LMX1A: variants seen among roughly 807,000 people sequenced by gnomAD.
LMX1A encodes LIM homeobox transcription factor 1-alpha.
In LMX1A, 15 loss-of-function variants were observed where a neutral mutation model predicts 49.1. The observed-to-expected ratio is 0.31, with a 90% CI of 0.20 to 0.47. The LOEUF (loss-of-function observed/expected upper bound fraction) is 0.47, where lower values mean the gene tolerates loss of function less well. Ranked by LOEUF, LMX1A falls within the 20% of genes least tolerant of loss-of-function variation. The pLI, the probability that LMX1A is intolerant of heterozygous loss-of-function variation, is 1.00. For synonymous variants in LMX1A, 167 were observed against 185.7 expected, an observed-to-expected ratio of 0.90 and a Z score of 0.82; for missense variants, 372 against 475.8, an observed-to-expected ratio of 0.78 and a Z score of 2.03.
intron 3 of LMX1A, among the ~76,000 whole-genome samples, chr1:165,282,750 T>C (rs1654191613): frequency 6.6e-6 from 1 of 152,174 alleles, no homozygotes; most frequent in African/African-American, 2.4e-5. Context: ...CACTTCTAAG[T>C]CTTCAACCAG....
intron 3 of LMX1A, among the ~76,000 whole-genome samples, chr1:165,311,254 C>A (rs1270014214): frequency 6.6e-6 from 1 of 152,178 alleles, no homozygotes; most frequent in Non-Finnish European, 1.5e-5. Flanking sequence ...GTGATAAATA[C>A]TTTATTGGAG....
At chr1:165,216,483 C>T (rs760343405) in intron 4 of LMX1A, among the ~76,000 whole-genome samples, 5 of 152,156 alleles carry the variant, frequency 3.3e-5, no homozygotes, top group African/African-American at 4.8e-5. Context: ...GCTAATGCTC[C>T]ACCCCAGGGA....
chr1:165,344,688 C>T (rs967569917), intron 3 of LMX1A, among the ~76,000 whole-genome samples: 3 of 152,222 alleles, frequency 2.0e-5, no homozygotes, highest in African/African-American at 7.2e-5. Context: ...GGCTCCTAAA[C>T]CACCCTGATT....
intron 3 of LMX1A, among the ~76,000 whole-genome samples, chr1:165,351,270 T>C (rs1393018340): frequency 1.3e-5 from 2 of 152,144 alleles, no homozygotes; most frequent in African/African-American, 4.8e-5. Context: ...ATGTGGACAT[T>C]TCAGTAATCT....
Position 165,213,816 on chromosome 1 carries a change from G to A in LMX1A, c.497-3C>T. On this transcript the variant is annotated splice_region_variant and splice_polypyrimidine_tract_variant and intron_variant, in intron 4 of 8. Coordinates refer to ENST00000342310, the MANE Select transcript of LMX1A (RefSeq NM_177398.4). The stretch of plus-strand genomic sequence containing the variant: ...ACTTTCTTCATCATCACTTTTACCT[G>A]AAAGAAGCAAAAGACAATGTTGTGA... The A allele has an allele frequency of 6.2e-7, 1 of 1,613,492 alleles. No homozygotes were observed. The highest frequency in any genetic ancestry group is 8.5e-7 in the Non-Finnish European group (1 of 1,179,840).
At chr1:165,333,794 A>G (rs1655820296) in intron 3 of LMX1A, among the ~76,000 whole-genome samples, 1 of 152,130 alleles carries the variant, frequency 6.6e-6, no homozygotes, top group South Asian at 2.1e-4. Flanking sequence ...GCTCAATAAT[A>G]ATGATGACCG....
chr1:165,234,768 T>C (rs1652368482), intron 4 of LMX1A, among the ~76,000 whole-genome samples: 1 of 152,224 alleles, frequency 6.6e-6, no homozygotes, highest in Non-Finnish European at 1.5e-5. Flanking sequence ...GGAAAACCAT[T>C]TGCATTTGAA....
chr1:165,207,618 TA>T (rs796301006), intron 7 of LMX1A: 7 of 157,006 alleles, frequency 4.5e-5, no homozygotes, highest in African/African-American at 1.7e-4. Context: ...CACCAATCTA[TA>T]AGAGTGTTCA....
chr1:165,253,312 A>G (rs1018149356), intron 3 of LMX1A, among the ~76,000 whole-genome samples: 21 of 152,200 alleles, frequency 1.4e-4, no homozygotes, highest in Non-Finnish European at 2.9e-4. Flanking sequence ...TAGTATATAT[A>G]ATTATAATAT....
chr1:165,322,741 T>C (rs954307353), intron 3 of LMX1A, among the ~76,000 whole-genome samples: 8 of 152,176 alleles, frequency 5.3e-5, no homozygotes, highest in African/African-American at 1.7e-4. Context: ...TGGAATTAGA[T>C]AATGGTTGCA....
chr1:165,243,734 G>A (rs144832427), intron 4 of LMX1A, among the ~76,000 whole-genome samples: 1 of 152,308 alleles, frequency 6.6e-6, no homozygotes, highest in Non-Finnish European at 1.5e-5. Flanking sequence ...TACGGAGACC[G>A]ATGTTGGAAT....
rs538982661 is a variant in LMX1A, at chr1:165,216,658, T to C, written c.497-2845A>G. Among the ~76,000 whole-genome samples the C allele has an allele frequency of 4.9e-5, 7 of 143,602 alleles. No individual in the cohort carries two copies. In the East Asian group the frequency reaches 1.3e-3, roughly 28 times the overall value. 94.2% of individuals were successfully genotyped at this position (143,602 alleles called of 152,430 possible). On this transcript the variant is annotated intron_variant, in intron 4 of 8. Transcript: ENST00000342310. Reference sequence around the variant, plus strand: ...CCAGTCTGTTCAATAAAACAGTACTTGCATTGACCCTTTTACAGTCACTCC... The same window carrying C: ...CCAGTCTGTTCAATAAAACAGTACTCGCATTGACCCTTTTACAGTCACTCC...
In LMX1A at chr1:165,241,199, G is replaced by A. The variant is rs73029217; in HGVS notation, c.496+8209C>T. ...TTTATGCACCCTAGCCACCCAAAAT[G>A]ACAGGCCCTATCTGTACCACCATGA... On this transcript the variant is annotated intron_variant, in intron 4 of 8. Coordinates refer to ENST00000342310, the MANE Select transcript of LMX1A (RefSeq NM_177398.4). Among the ~76,000 whole-genome samples, 489 of 152,196 alleles carry A rather than the reference G, an allele frequency of 3.2e-3. 1 individual carries two copies. Among genetic ancestry groups the A allele is most frequent in the African/African-American group, 0.011 (467 of 41,490 alleles).
At chr1:165,337,201 T>C (rs1655923205) in intron 3 of LMX1A, among the ~76,000 whole-genome samples, 1 of 152,228 alleles carries the variant, frequency 6.6e-6, no homozygotes, top group Admixed American at 6.5e-5. Context: ...TTAAAATTTA[T>C]CTTTCAAGCT....
At chr1:165,323,140 C>T (rs1655470618) in intron 3 of LMX1A, among the ~76,000 whole-genome samples, 1 of 152,140 alleles carries the variant, frequency 6.6e-6, no homozygotes, top group African/African-American at 2.4e-5. Flanking sequence ...TTTTCCAAGC[C>T]TCATTTCTTT....
At chr1:165,237,333 C>T (rs1174601421) in intron 4 of LMX1A, among the ~76,000 whole-genome samples, 2 of 152,222 alleles carry the variant, frequency 1.3e-5, no homozygotes, top group African/African-American at 2.4e-5. Context: ...AAGCGATTCT[C>T]CTGCTTCACT....
chr1:165,251,546 C>A (rs1330613738), intron 3 of LMX1A, among the ~76,000 whole-genome samples: 1 of 152,054 alleles, frequency 6.6e-6, no homozygotes, highest in Non-Finnish European at 1.5e-5. Flanking sequence ...GGGGCAGAGC[C>A]TACAGCTGGA....
intron 3 of LMX1A, among the ~76,000 whole-genome samples, chr1:165,313,470 CCT>C (rs2101735895): frequency 8.0e-6 from 1 of 124,416 alleles, no homozygotes; most frequent in African/African-American, 2.8e-5. Context: ...ACACCTTCTT[CCT>C]TTTTTTTTTT....
At chr1:165,311,381 C>G (rs192828893) in intron 3 of LMX1A, among the ~76,000 whole-genome samples, 18 of 152,214 alleles carry the variant, frequency 1.2e-4, no homozygotes, top group Non-Finnish European at 2.2e-4. Context: ...CTCCTCTCAA[C>G]TGGATAGTGA....
Sources: gnomAD v4.1 joint callset for allele counts (sites outside exome capture counted in the v4.1 genomes callset) on GRCh38, gnomAD v4.1.1 for gene constraint, MANE v1.5 for transcripts, NCBI Gene and HGNC (gene_info 2026-07-23, HGNC 2026-07-21) for gene names.